SORCS3: variants seen among roughly 807,000 people sequenced by gnomAD.
SORCS3 encodes VPS10 domain-containing receptor SorCS3.
In SORCS3, 57 loss-of-function variants were observed where a neutral mutation model predicts 146.3. The ratio of observed to expected loss-of-function variants is 0.39; its 90% CI spans 0.31 to 0.49. SORCS3 has a LOEUF of 0.49. SORCS3 is among the 20% of genes least tolerant of loss of function. SORCS3 has a pLI of 0.92. For synonymous variants in SORCS3, 653 were observed against 618.5 expected (o/e 1.06, Z -0.83); for missense variants, 1,341 against 1,575.5 (o/e 0.85, Z 2.52).
chr10:104,827,436 A>T (rs905074748), intron 1 of SORCS3, among the ~76,000 whole-genome samples: 1 of 152,306 alleles, frequency 6.6e-6, no homozygotes, highest in Admixed American at 6.5e-5. Context: ...GACCAGGTGC[A>T]TTGTCAGTAA....
chr10:104,882,831 T>A (rs1298410060), intron 2 of SORCS3, among the ~76,000 whole-genome samples: 1 of 152,214 alleles, frequency 6.6e-6, no homozygotes, highest in Non-Finnish European at 1.5e-5. Context: ...TAGTGAACAT[T>A]TGTACTAGAA....
chr10:104,684,788 T>G (rs994354026), intron 1 of SORCS3, among the ~76,000 whole-genome samples: 9 of 5,344 alleles, frequency 1.7e-3, no homozygotes, highest in African/African-American at 5.6e-3. Flanking sequence ...TGTTTTTTTT[T>G]TTTTTTTTTT....
chr10:104,776,888 A>C (rs908984454), intron 1 of SORCS3, among the ~76,000 whole-genome samples: 2 of 151,964 alleles, frequency 1.3e-5, no homozygotes, highest in African/African-American at 4.8e-5. Context: ...AAAAAAAAAA[A>C]AACCTCACAA....
At chr10:105,116,225 G>T (rs1404241842) in intron 7 of SORCS3, among the ~76,000 whole-genome samples, 3 of 152,150 alleles carry the variant, frequency 2.0e-5, no homozygotes, top group Admixed American at 6.5e-5. Flanking sequence ...AGCTATGTTT[G>T]CCTCAGCTAC....
chr10:104,870,080 T>C (rs1445196209), intron 2 of SORCS3, among the ~76,000 whole-genome samples: 1 of 152,190 alleles, frequency 6.6e-6, no homozygotes, highest in African/African-American at 2.4e-5. Context: ...ATTGCTGTCA[T>C]TATCATTATT....
At chr10:104,982,455 G>A (rs1478728692) in intron 4 of SORCS3, among the ~76,000 whole-genome samples, 2 of 152,160 alleles carry the variant, frequency 1.3e-5, no homozygotes, top group Non-Finnish European at 1.5e-5. Context: ...CAGGCTTCCT[G>A]TCTCCTCACC....
intron 1 of SORCS3, among the ~76,000 whole-genome samples, chr10:104,660,014 G>A (rs1347056560): frequency 6.6e-6 from 1 of 152,188 alleles, no homozygotes; most frequent in Non-Finnish European, 1.5e-5. Flanking sequence ...ACTGGCCAGA[G>A]GATGAGCTGG....
intron 20 of SORCS3, among the ~76,000 whole-genome samples, chr10:105,223,712 A>G (rs1257332265): frequency 6.6e-6 from 1 of 152,220 alleles, no homozygotes; most frequent in African/African-American, 2.4e-5. Flanking sequence ...AAATGCTAGC[A>G]TTCTTTTCAG....
intron 7 of SORCS3, among the ~76,000 whole-genome samples, chr10:105,123,857 C>T (rs183054744): frequency 5.1e-4 from 77 of 152,228 alleles, no homozygotes; most frequent in African/African-American, 1.7e-3. Flanking sequence ...TTTTGGAGAT[C>T]AAGGCAAACA....
chr10:105,161,610 G>T (rs1470261447), intron 11 of SORCS3, among the ~76,000 whole-genome samples: 2 of 152,098 alleles, frequency 1.3e-5, no homozygotes, highest in Non-Finnish European at 2.9e-5. Flanking sequence ...ATTGCCTTTT[G>T]CAAGCAGAAA....
chr10:105,221,596 G>A (rs552846713), intron 19 of SORCS3, among the ~76,000 whole-genome samples: 1 of 152,286 alleles, frequency 6.6e-6, no homozygotes, highest in African/African-American at 2.4e-5. Context: ...GTACATTTGT[G>A]CCAGAGTTGA....
intron 7 of SORCS3, among the ~76,000 whole-genome samples, chr10:105,114,955 G>C (rs1289781730): frequency 4.6e-5 from 7 of 152,252 alleles, no homozygotes; most frequent in African/African-American, 1.7e-4. Context: ...TAGAAAAATA[G>C]TACTGTTATA....
intron 1 of SORCS3, among the ~76,000 whole-genome samples, chr10:104,655,571 A>G (rs1747283992): frequency 6.6e-6 from 1 of 152,182 alleles, no homozygotes; most frequent in African/African-American, 2.4e-5. Context: ...TAGCCAATTA[A>G]TATGGTTTGG....
intron 2 of SORCS3, among the ~76,000 whole-genome samples, chr10:104,909,908 C>T (rs1487896367): frequency 2.6e-5 from 4 of 151,824 alleles, no homozygotes; most frequent in Admixed American, 6.6e-5. Flanking sequence ...TAACTCACAC[C>T]TCCACTCCTG....
chr10:105,257,936 CATTA>C (rs1363198716), intron 25 of SORCS3, among the ~76,000 whole-genome samples: 15 of 152,184 alleles, frequency 9.9e-5, no homozygotes, highest in African/African-American at 2.6e-4. Context: ...GTAAAAATGT[CATTA>C]ATTATTGTCA....
At chr10:104,893,660 A>G (rs950272267) in intron 2 of SORCS3, among the ~76,000 whole-genome samples, 5 of 152,118 alleles carry the variant, frequency 3.3e-5, no homozygotes, top group African/African-American at 4.8e-5. Context: ...GTCTGTTTCT[A>G]TGAATTAGGG....
intron 3 of SORCS3, among the ~76,000 whole-genome samples, chr10:104,964,575 T>G (rs1044082115): frequency 1.3e-5 from 2 of 152,210 alleles, no homozygotes; most frequent in African/African-American, 4.8e-5. Context: ...GAATAGAGCC[T>G]GGCATGGAGT....
At chr10:104,842,932 G>A in intron 2 of SORCS3, 73 bp downstream of exon 2, 1 of 1,215,424 alleles carries the variant, frequency 8.2e-7, no homozygotes, top group East Asian at 2.3e-5. Flanking sequence ...AAGCAGTTGG[G>A]AAGTGTGGAC....
chr10:104,878,190 C>T (rs1047382957), intron 2 of SORCS3, among the ~76,000 whole-genome samples: 9 of 152,124 alleles, frequency 5.9e-5, no homozygotes, highest in African/African-American at 2.2e-4. Context: ...ATACTTCATT[C>T]CAGAGCAGTG....
Sources: gnomAD v4.1 joint callset for allele counts (sites outside exome capture counted in the v4.1 genomes callset) on GRCh38, gnomAD v4.1.1 for gene constraint, MANE v1.5 for transcripts, NCBI Gene and HGNC (gene_info 2026-07-23, HGNC 2026-07-21) for gene names.